The following BCAS3 variants were observed in gnomAD, a reference collection of about 807,000 sequenced individuals.
The protein encoded by BCAS3 is BCAS4/BCAS3 fusion.
BCAS3 carries 53 observed loss-of-function variants against 116.1 expected under a neutral mutation model. The ratio of observed to expected loss-of-function variants is 0.46; its 90% CI spans 0.37 to 0.57. The LOEUF (loss-of-function observed/expected upper bound fraction) is 0.57, where lower values mean the gene tolerates loss of function less well. Among genes scored for constraint, BCAS3 ranks in the 20% least tolerant of loss-of-function variants. BCAS3 has a pLI of 0.00. For missense variants in BCAS3, 917 were observed against 1,165.4 expected (o/e 0.79, Z 3.10); for synonymous variants, 391 against 408.2 (o/e 0.96, Z 0.51).
At position 60,754,680 on chromosome 17, in the gene BCAS3, T is replaced by TACACACACACAC. The variant is rs772900751; in HGVS notation, c.403+7451_403+7462dup. ...AGAAATGCAGATGTAAAATTTAAAA[T>TACACACACACAC]ACACACACACACACACACACACACA... is the stretch of plus-strand genomic sequence containing the variant. On this transcript the variant is annotated intron_variant, in intron 6 of 23. Coordinates refer to ENST00000407086, the MANE Select transcript of BCAS3 (RefSeq NM_017679.5). Among the ~76,000 whole-genome samples the TACACACACACAC allele has an allele frequency of 1.5e-4, 22 of 145,484 alleles. 1 individual carries two copies. Among genetic ancestry groups the TACACACACACAC allele is most frequent in the African/African-American group, 5.7e-4 (21 of 36,940 alleles).
At chr17:60,923,024 A>G (rs1269557068) in intron 12 of BCAS3, among the ~76,000 whole-genome samples, 1 of 152,232 alleles carries the variant, frequency 6.6e-6, no homozygotes. Context: ...TGTTTCCCTT[A>G]AAAGATTATA....
chr17:61,103,642 C>T (rs1294657887), intron 22 of BCAS3, among the ~76,000 whole-genome samples: 1 of 152,176 alleles, frequency 6.6e-6, no homozygotes, highest in Admixed American at 6.5e-5. Context: ...GCATGTCAGA[C>T]TGTTTATGTG....
At chr17:60,910,725 AC>A in intron 12 of BCAS3, 23 bp downstream of exon 12, 1 of 1,575,430 alleles carries the variant, frequency 6.3e-7, no homozygotes, top group Non-Finnish European at 8.6e-7. Context: ...TTTGGTGCGT[AC>A]CATGTGTGTT....
intron 10 of BCAS3, among the ~76,000 whole-genome samples, chr17:60,890,043 G>A (rs921587683): frequency 2.6e-5 from 4 of 152,224 alleles, no homozygotes; most frequent in African/African-American, 9.6e-5. Flanking sequence ...TTAATTTGCA[G>A]CATTGAGATG....
chr17:61,165,496 GACCAAC>G (rs1267524172), intron 22 of BCAS3, among the ~76,000 whole-genome samples: 1 of 152,184 alleles, frequency 6.6e-6, no homozygotes, highest in Non-Finnish European at 1.5e-5. Flanking sequence ...TTGGTAGCCT[GACCAAC>G]ATGGAGAAAC....
In BCAS3 at chr17:61,155,186, A is replaced by G. The variant is rs540888214; in HGVS notation, c.2425+70622A>G. 3.7e-4 allele frequency among the ~76,000 whole-genome samples: 57 copies of G among 152,298 alleles called. 1 individual carries two copies. In the South Asian group the frequency reaches 0.012, roughly 31 times the overall value. On this transcript the variant is annotated intron_variant, in intron 22 of 23. Transcript: ENST00000407086. ...ATTTTTTTTTAAGTTTCTTCCTGCC[A>G]GAGCATGGATTAAAGAAACTTTAGT...
At chr17:60,797,451 G>C (rs1055692679) in intron 6 of BCAS3, among the ~76,000 whole-genome samples, 65 of 151,678 alleles carry the variant, frequency 4.3e-4, no homozygotes, top group Admixed American at 2.6e-3. Context: ...CTGGGCCCAA[G>C]CAGTTCTCCT....
rs1000461811 is a variant in BCAS3, at chr17:61,325,198, G to A, written c.2426-43129G>A. On this transcript the variant is annotated intron_variant, in intron 22 of 23. Transcript: ENST00000407086. The surrounding 1 kb of genome is among the most constrained non-coding windows in gnomAD (Gnocchi z 6.4). ...AGGACCACAGGCTGTTACACAGTTA[G>A]CATTTAACTTACATTATGAAGTGAC... 6.6e-6 allele frequency among the ~76,000 whole-genome samples: 1 copy of A among 152,188 alleles called. No homozygotes were observed. The highest frequency in any genetic ancestry group is 1.5e-5 in the Non-Finnish European group (1 of 68,034).
At chr17:60,911,176 G>T (rs1464872340) in intron 12 of BCAS3, among the ~76,000 whole-genome samples, 1 of 119,246 alleles carries the variant, frequency 8.4e-6, no homozygotes. Flanking sequence ...AGGTTGGAGT[G>T]CAGTGGAGTG....
At chr17:60,749,678 G>A (rs922111996) in intron 6 of BCAS3, among the ~76,000 whole-genome samples, 1 of 152,034 alleles carries the variant, frequency 6.6e-6, no homozygotes, top group African/African-American at 2.4e-5. Context: ...ATTTTCTGCT[G>A]TTATGTTTTT....
At position 61,228,030 on chromosome 17, in the gene BCAS3, T is replaced by C. The variant is rs1188672349; in HGVS notation, c.2426-140297T>C. The stretch of plus-strand genomic sequence containing the variant: ...TGTCCTTTCCAATTTCCAGCACAGG[T>C]TTTGCATCTGGTTTTCCTAAGAAGG... On this transcript the variant is annotated intron_variant, in intron 22 of 23. Coordinates refer to ENST00000407086, the MANE Select transcript of BCAS3 (RefSeq NM_017679.5). The surrounding 1 kb of genome is among the most constrained non-coding windows in gnomAD (Gnocchi z 5.0). Among the ~76,000 whole-genome samples, 1 of 151,966 alleles carries C rather than the reference T, an allele frequency of 6.6e-6. No individual in the cohort carries two copies. The highest frequency in any genetic ancestry group is 1.5e-5 in the Non-Finnish European group (1 of 68,006).
intron 19 of BCAS3, among the ~76,000 whole-genome samples, chr17:61,042,899 A>AAAAAAAAAAAAAAAAAAAAAAC (rs2067648848): frequency 7.0e-6 from 1 of 142,756 alleles, no homozygotes; most frequent in African/African-American, 2.9e-5. Context: ...CACAAAAAAA[A>AAAAAAAAAAAAAAAAAAAAAAC]AAAAAAAAAA....
rs544118500 is a variant in BCAS3, at chr17:61,281,769, C to G, written c.2426-86558C>G. The stretch of plus-strand genomic sequence containing the variant: ...TTTTCCAAGTTTGTCAGTATCTTTG[C>G]CATACAAATTTTAAATTTTATGTGT... On this transcript the variant is annotated intron_variant, in intron 22 of 23. Transcript: ENST00000407086. The surrounding 1 kb of genome is among the most constrained non-coding windows in gnomAD (Gnocchi z 4.2). Among the ~76,000 whole-genome samples the G allele has an allele frequency of 1.3e-5, 2 of 152,058 alleles. No homozygotes were observed. The highest frequency in any genetic ancestry group is 4.1e-4 in the South Asian group (2 of 4,820).
At position 60,962,112 on chromosome 17, in the gene BCAS3, T is replaced by G. The variant is rs1382003028; in HGVS notation, c.1221+14760T>G. On this transcript the variant is annotated intron_variant, in intron 14 of 23. Coordinates refer to ENST00000407086, the MANE Select transcript of BCAS3 (RefSeq NM_017679.5). This position sits in a 1 kb window ranked among gnomAD's most constrained non-coding sequence, Gnocchi z 4.4. ...GATGAACTCTTAGAGTGATTCCATA[T>G]TTTGGCTATTGTGAACAGTGCTGCA... Among the ~76,000 whole-genome samples, 1 of 152,242 alleles carries G rather than the reference T, an allele frequency of 6.6e-6. No individual in the cohort carries two copies. The highest frequency in any genetic ancestry group is 1.5e-5 in the Non-Finnish European group (1 of 68,044).
In BCAS3 at chr17:61,181,750, TTGTC is replaced by T. The variant is rs1421102811; in HGVS notation, c.2425+97189_2425+97192del. Among the ~76,000 whole-genome samples, 1 of 152,200 alleles carries T rather than the reference TTGTC, an allele frequency of 6.6e-6. No homozygotes were observed. Among genetic ancestry groups the T allele is most frequent in the Admixed American group, 6.5e-5 (1 of 15,280 alleles). On this transcript the variant is annotated intron_variant, in intron 22 of 23. Coordinates refer to ENST00000407086, the MANE Select transcript of BCAS3 (RefSeq NM_017679.5). The surrounding 1 kb of genome is among the most constrained non-coding windows in gnomAD (Gnocchi z 5.0). ...AGAAGCTCCACCATGATTTTTTTCA[TTGTC>T]TGCTGTAACTAAGTTTGCCTTTATT...
chr17:61,085,168 C>G (rs2072981172), intron 22 of BCAS3, among the ~76,000 whole-genome samples: 1 of 152,100 alleles, frequency 6.6e-6, no homozygotes, highest in Non-Finnish European at 1.5e-5. Flanking sequence ...TTCAGCCAGG[C>G]CTACTAAATG....
intron 22 of BCAS3, among the ~76,000 whole-genome samples, chr17:61,174,771 C>G (rs1377792053): frequency 1.3e-5 from 2 of 152,192 alleles, no homozygotes; most frequent in Non-Finnish European, 2.9e-5. Context: ...AAGAGATTCT[C>G]TTCCCTGCTT....
intron 4 of BCAS3, among the ~76,000 whole-genome samples, chr17:60,701,805 C>CAAAAAAAAAAAA (rs71370178): frequency 2.6e-5 from 2 of 77,086 alleles, no homozygotes; most frequent in African/African-American, 1.0e-4. Flanking sequence ...ACTAAAAATA[C>CAAAAAAAAAAAA]AAAAAAAAAA....
intron 14 of BCAS3, among the ~76,000 whole-genome samples, chr17:60,988,977 T>C (rs1252968031): frequency 6.6e-6 from 1 of 152,070 alleles, no homozygotes; most frequent in Non-Finnish European, 1.5e-5. Context: ...TGTTAGATTG[T>C]TTATTTGAAG....
Sources: allele counts gnomAD v4.1 joint callset (sites outside exome capture counted in the v4.1 genomes callset), GRCh38; gene constraint gnomAD v4.1.1; non-coding constraint Gnocchi (gnomAD v3.1); transcripts MANE v1.5; gene names NCBI Gene and HGNC (gene_info 2026-07-23, HGNC 2026-07-21).